PDE4D: variants seen among roughly 807,000 people sequenced by gnomAD.
PDE4D encodes phosphodiesterase 4D, also known as 3',5'-cyclic-AMP phosphodiesterase 4D.
A neutral mutation model predicts 87.4 loss-of-function variants in PDE4D; 24 were observed. That is an observed-to-expected ratio of 0.27 (90% CI 0.20 to 0.39). The LOEUF (loss-of-function observed/expected upper bound fraction) is 0.39, where lower values mean the gene tolerates loss of function less well. Among genes scored for constraint, PDE4D ranks in the 10% least tolerant of loss-of-function variants. The pLI is 1.00. For missense variants in PDE4D, 714 were observed against 1,041.0 expected (o/e 0.69, Z 4.32); for synonymous variants, 384 against 383.2 (o/e 1.00, Z -0.02).
In PDE4D at chr5:59,560,117, C is replaced by T. The variant is rs191146941; in HGVS notation, c.455+333051G>A. Among the ~76,000 whole-genome samples the T allele has an allele frequency of 4.6e-5, 7 of 152,186 alleles. No homozygotes were observed. The South Asian group carries it at 1.0e-3, about 23-fold the overall frequency. ...CCAGAGGGCTTGGCAGTGAATACTCCGAAGAAATGTAAAGTTTAATCAATC... is the reference window on the plus strand; with the variant it reads ...CCAGAGGGCTTGGCAGTGAATACTCTGAAGAAATGTAAAGTTTAATCAATC... On this transcript the variant is annotated intron_variant, in intron 1 of 14. Transcript: ENST00000340635.
chr5:59,334,501 G>A (rs1459562630), intron 1 of PDE4D, among the ~76,000 whole-genome samples: 1 of 151,858 alleles, frequency 6.6e-6, no homozygotes. Flanking sequence ...CAGGTGATCT[G>A]CCCGCCTCAG....
At chr5:59,444,705 C>T (rs945092777) in intron 1 of PDE4D, among the ~76,000 whole-genome samples, 2 of 151,872 alleles carry the variant, frequency 1.3e-5, no homozygotes, top group African/African-American at 4.8e-5. Context: ...CCAGCTACTC[C>T]GGAGGCTGAG....
intron 1 of PDE4D, among the ~76,000 whole-genome samples, chr5:60,506,353 A>G (rs1177237119): frequency 1.3e-5 from 2 of 152,242 alleles, no homozygotes; most frequent in East Asian, 3.8e-4. Flanking sequence ...ATAATGGGAA[A>G]ATACTTTGGG....
chr5:59,983,476 AC>A (rs534395616), intron 3 of PDE4D, among the ~76,000 whole-genome samples: 53 of 152,320 alleles, frequency 3.5e-4, no homozygotes, highest in African/African-American at 1.1e-3. Context: ...CACATGTCTA[AC>A]AAAATACTCA....
chr5:60,134,396 T>C (rs1423739581), intron 2 of PDE4D, among the ~76,000 whole-genome samples: 2 of 152,092 alleles, frequency 1.3e-5, no homozygotes, highest in African/African-American at 4.8e-5. Context: ...TCCTAACTAC[T>C]AGGGAGGCTG....
At chr5:59,660,152 G>A (rs1199999464) in intron 1 of PDE4D, among the ~76,000 whole-genome samples, 1 of 152,000 alleles carries the variant, frequency 6.6e-6, no homozygotes, top group African/African-American at 2.4e-5. Context: ...TAATAGCACT[G>A]CACTCCAGCC....
intron 5 of PDE4D, among the ~76,000 whole-genome samples, chr5:59,144,890 TGG>T (rs398064847): frequency 0.32 from 13,866 of 43,686 alleles, 1,218 homozygotes; most frequent in South Asian, 0.36. Flanking sequence ...TAGGGTTTAA[TGG>T]GGGGGGGGGG....
intron 1 of PDE4D, among the ~76,000 whole-genome samples, chr5:59,331,597 T>C (rs1365240486): frequency 6.6e-6 from 1 of 152,202 alleles, no homozygotes; most frequent in Non-Finnish European, 1.5e-5. Flanking sequence ...CCCTATGGTA[T>C]GTGCTCTCAG....
intron 1 of PDE4D, among the ~76,000 whole-genome samples, chr5:59,221,032 T>C (rs530838097): frequency 2.0e-5 from 3 of 152,234 alleles, no homozygotes; most frequent in South Asian, 4.1e-4. Flanking sequence ...GCATATATTA[T>C]CTCATTTAAT....
chr5:59,302,814 T>G (rs1162688033), intron 1 of PDE4D, among the ~76,000 whole-genome samples: 1 of 152,206 alleles, frequency 6.6e-6, no homozygotes, highest in Non-Finnish European at 1.5e-5. Flanking sequence ...TTCCACAGTT[T>G]TGCAATTGTG....
intron 2 of PDE4D, among the ~76,000 whole-genome samples, chr5:60,137,405 A>G (rs1486047606): frequency 6.6e-6 from 1 of 152,204 alleles, no homozygotes; most frequent in Non-Finnish European, 1.5e-5. Flanking sequence ...GAACTAATTT[A>G]CACTTTCACC....
At chr5:59,861,535 G>C (rs929332158) in intron 1 of PDE4D, among the ~76,000 whole-genome samples, 5 of 152,144 alleles carry the variant, frequency 3.3e-5, no homozygotes, top group Non-Finnish European at 5.9e-5. Flanking sequence ...GAAACAATGG[G>C]AAAACAATCA....
At chr5:59,682,560 T>C (rs1749205384) in intron 1 of PDE4D, among the ~76,000 whole-genome samples, 1 of 152,228 alleles carries the variant, frequency 6.6e-6, no homozygotes, top group Non-Finnish European at 1.5e-5. Flanking sequence ...TTTACAGGTG[T>C]GGCCTTTTGG....
intron 1 of PDE4D, among the ~76,000 whole-genome samples, chr5:59,733,911 A>G (rs1271734969): frequency 2.0e-5 from 3 of 152,132 alleles, no homozygotes; most frequent in Non-Finnish European, 2.9e-5. Context: ...TATTACTGAA[A>G]GAGTAAACTT....
At chr5:59,089,569 G>A (rs551282936) in intron 5 of PDE4D, among the ~76,000 whole-genome samples, 1 of 152,210 alleles carries the variant, frequency 6.6e-6, no homozygotes, top group South Asian at 2.1e-4. Flanking sequence ...GAGGCACAGA[G>A]AACCTCAAGT....
At chr5:60,131,879 G>A (rs1779617664) in intron 2 of PDE4D, among the ~76,000 whole-genome samples, 1 of 152,136 alleles carries the variant, frequency 6.6e-6, no homozygotes, top group Non-Finnish European at 1.5e-5. Context: ...TGAAACTGGA[G>A]CCTTGTTAGC....
chr5:59,072,691 T>C (rs1259815392), intron 5 of PDE4D, among the ~76,000 whole-genome samples: 1 of 152,238 alleles, frequency 6.6e-6, no homozygotes, highest in Non-Finnish European at 1.5e-5. Flanking sequence ...TTAATTACTA[T>C]AGATGTAATC....
intron 1 of PDE4D, among the ~76,000 whole-genome samples, chr5:59,676,348 T>C (rs1037921647): frequency 6.6e-6 from 1 of 152,236 alleles, no homozygotes; most frequent in Non-Finnish European, 1.5e-5. Flanking sequence ...ATTTTTCACA[T>C]ATTTCTAAGG....
chr5:60,512,371 A>G (rs551790949), intron 1 of PDE4D, among the ~76,000 whole-genome samples: 1 of 152,324 alleles, frequency 6.6e-6, no homozygotes, highest in African/African-American at 2.4e-5. Context: ...ACCAACCCTT[A>G]GTCTATATGT....
Sources: allele counts gnomAD v4.1 joint callset (sites outside exome capture counted in the v4.1 genomes callset), GRCh38; gene constraint gnomAD v4.1.1; transcripts MANE v1.5; gene names NCBI Gene and HGNC (gene_info 2026-07-23, HGNC 2026-07-21).